The following ZNF451 variants were observed in gnomAD, a reference collection of about 807,000 sequenced individuals.
The protein encoded by ZNF451 is E3 SUMO-protein ligase ZNF451.
In ZNF451, 80 loss-of-function variants were observed where a neutral mutation model predicts 107.1. That is an observed-to-expected ratio of 0.75 (90% CI 0.62 to 0.90). ZNF451 has a LOEUF of 0.90. ZNF451 is among the 40% of genes least tolerant of loss of function. The probability of loss-of-function intolerance (pLI) is 0.00; values close to 1 mark genes in which losing one functional copy is unlikely to be tolerated. For synonymous variants in ZNF451, 362 were observed against 406.5 expected (o/e 0.89, Z 1.32); for missense variants, 1,107 against 1,236.2 (o/e 0.90, Z 1.57).
intron 3 of ZNF451, chr6:57,124,411 C>T (rs562879321): frequency 5.6e-6 from 4 of 714,802 alleles, no homozygotes; most frequent in Admixed American, 4.0e-5. Context: ...TTACCTCTCT[C>T]TCTCTCTCCA....
At chr6:57,105,167 A>G in intron 3 of ZNF451, 2 of 985,350 alleles carry the variant, frequency 2.0e-6, no homozygotes, top group African/African-American at 1.7e-5. Context: ...AAAATTCCCT[A>G]CTAGGCCAAC....
chr6:57,102,044 A>G (rs1344030610), intron 3 of ZNF451: 1 of 1,540,238 alleles, frequency 6.5e-7, no homozygotes, highest in Non-Finnish European at 8.7e-7. Context: ...AACCACCCCT[A>G]TAGATATAGA....
intron 3 of ZNF451, among the ~76,000 whole-genome samples, chr6:57,113,620 ATTTT>A (rs869045366): frequency 7.3e-6 from 1 of 137,222 alleles, no homozygotes; most frequent in Non-Finnish European, 1.6e-5. Flanking sequence ...AGAAAAAAAA[ATTTT>A]TTTTTTTTTT....
intron 13 of ZNF451, chr6:57,158,848 T>C (rs1441755882): frequency 1.0e-6 from 1 of 985,308 alleles, no homozygotes; most frequent in Non-Finnish European, 1.2e-6. Context: ...TCATTGTGGA[T>C]GAGTGGGTTA....
intron 2 of ZNF451, among the ~76,000 whole-genome samples, chr6:57,095,328 T>G (rs13197658): frequency 9.4e-6 from 1 of 106,010 alleles, no homozygotes; most frequent in Non-Finnish European, 2.1e-5. Context: ...CTGTGATACT[T>G]TTTTTTTTTT....
Position 57,148,625 on chromosome 6 carries a change from C to T in ZNF451, c.2540C>T (p.Ala847Val). 2 of 1,613,914 alleles carry T rather than the reference C, an allele frequency of 1.2e-6. No homozygotes were observed. Among genetic ancestry groups the T allele is most frequent in the Non-Finnish European group, 1.7e-6 (2 of 1,179,882 alleles). ...ASHTERKLKQ[A>V]INYSKSLDME... ...CATACAGAGAGAAAACTGAAACAGG[C>T]AATAAACTATTCAAAAAGTTTAGAC... Residue 847 changes from alanine to valine, a missense_variant, in exon 10 of 15, where the codon GCA (alanine) becomes GTA (valine). This residue lies in a region of ZNF451 where 608 missense variants were observed against 649.2 expected (regional missense o/e 0.94). Transcript: ENST00000370706.
At position 57,110,043 on chromosome 6, in the gene ZNF451, A is replaced by G. The variant is rs571276798; in HGVS notation, c.186+10902A>G. ...CTGTGGTGATGGAATAAGAAAAGCC[A>G]TATAGAGGGGTGAGGAAAAGCTTTT... On this transcript the variant is annotated intron_variant, in intron 3 of 14. Coordinates refer to ENST00000370706, the MANE Select transcript of ZNF451 (RefSeq NM_001031623.3). 3.3e-5 allele frequency among the ~76,000 whole-genome samples: 5 copies of G among 152,332 alleles called. No homozygotes were observed. The East Asian group carries it at 9.6e-4, about 29-fold the overall frequency.
intron 2 of ZNF451, chr6:57,092,720 G>A (rs922857779): frequency 3.9e-5 from 6 of 152,104 alleles, no homozygotes; most frequent in Non-Finnish European, 7.4e-5. Flanking sequence ...GTATTGTGAT[G>A]TTACTTCTTC....
In ZNF451 at chr6:57,161,087, G is replaced by A; in HGVS notation, c.3074G>A (p.Cys1025Tyr). 3 of 1,552,026 alleles carry A rather than the reference G, an allele frequency of 1.9e-6. No homozygotes were observed. Among genetic ancestry groups the A allele is most frequent in the African/African-American group, 1.4e-5 (1 of 71,720 alleles). The change falls in exon 14 of 15, where the codon TGT becomes TAT. Residue 1025 changes from cysteine (C) to tyrosine (Y), a missense_variant. Transcript: ENST00000370706. ...ATGTATTGATTCTTCTTTACAGAATGTGACAGTGATGATAACATGGGTGCC... is the reference window on the plus strand; with the variant it reads ...ATGTATTGATTCTTCTTTACAGAATATGACAGTGATGATAACATGGGTGCC... ...LNSISDTTKE[C>Y]DSDDNMGAKN...
At chr6:57,134,420 G>T (rs1191757986) in intron 6 of ZNF451, among the ~76,000 whole-genome samples, 1 of 152,150 alleles carries the variant, frequency 6.6e-6, no homozygotes, top group Non-Finnish European at 1.5e-5. Context: ...TGGTAACCAA[G>T]GCAAGAAGTA....
At chr6:57,126,420 C>T (rs946734722) in intron 4 of ZNF451, 1 of 151,774 alleles carries the variant, frequency 6.6e-6, no homozygotes, top group African/African-American at 2.4e-5. Flanking sequence ...CAAAAAACCA[C>T]CCAGAAAGGA....
At chr6:57,095,228 C>T (rs931293773) in intron 2 of ZNF451, among the ~76,000 whole-genome samples, 13 of 151,742 alleles carry the variant, frequency 8.6e-5, no homozygotes, top group African/African-American at 2.9e-4. Context: ...TTCCCCTTCT[C>T]ATTCTACTCT....
Position 57,146,941 on chromosome 6 carries a change from A to G in ZNF451, c.1005-149A>G, listed in dbSNP as rs942067889. On this transcript the variant is annotated intron_variant, in intron 9 of 14. Transcript: ENST00000370706. The stretch of plus-strand genomic sequence containing the variant: ...CTCAAGTATTTTGAGATGATAGAAC[A>G]TCATTATGTCATTTGCATCTTTATT... 76 of 643,886 alleles carry G rather than the reference A, an allele frequency of 1.2e-4. No homozygotes were observed. In the Admixed American group the frequency reaches 2.6e-3, roughly 22 times the overall value. The allele number at this position is 643,886 out of a possible 1,614,324, so 39.9% of individuals were successfully genotyped here. A position where few individuals can be genotyped will look rare whatever the true frequency, so the allele number is the denominator to read the frequency against.
At chr6:57,138,419 C>T (rs1465174646) in intron 7 of ZNF451, among the ~76,000 whole-genome samples, 5 of 151,792 alleles carry the variant, frequency 3.3e-5, no homozygotes, top group South Asian at 2.1e-4. Context: ...CCTGCCACCA[C>T]ACCCGGCTAA....
intron 5 of ZNF451, among the ~76,000 whole-genome samples, chr6:57,129,910 C>T (rs575958746): frequency 5.7e-4 from 87 of 152,080 alleles, no homozygotes; most frequent in African/African-American, 2.0e-3. Flanking sequence ...ATATCATGTC[C>T]AATTATGTGA....
chr6:57,113,856 CGT>C (rs1562599173), intron 3 of ZNF451, among the ~76,000 whole-genome samples: 1 of 152,068 alleles, frequency 6.6e-6, no homozygotes, highest in East Asian at 1.9e-4. Flanking sequence ...CTCCTGACCT[CGT>C]GATCTGCCCA....
intron 3 of ZNF451, chr6:57,109,006 T>C: frequency 1.0e-6 from 1 of 985,416 alleles, no homozygotes; most frequent in Non-Finnish European, 1.2e-6. Flanking sequence ...GGTAAACTAA[T>C]TTTACATACA....
intron 3 of ZNF451, among the ~76,000 whole-genome samples, chr6:57,114,510 G>A (rs979698128): frequency 6.6e-6 from 1 of 152,132 alleles, no homozygotes; most frequent in African/African-American, 2.4e-5. Context: ...TGACCTGAAA[G>A]TGACTTTCCT....
At chr6:57,140,613 T>C (rs915441766) in intron 7 of ZNF451, among the ~76,000 whole-genome samples, 4 of 151,782 alleles carry the variant, frequency 2.6e-5, no homozygotes, top group Non-Finnish European at 4.4e-5. Context: ...TAAGGATATA[T>C]ATTCAAGGAT....
Sources: allele counts gnomAD v4.1 joint callset (sites outside exome capture counted in the v4.1 genomes callset), GRCh38; gene constraint gnomAD v4.1.1; regional missense constraint gnomAD v4.1.1; transcripts MANE v1.5; gene names NCBI Gene and HGNC (gene_info 2026-07-23, HGNC 2026-07-21).